MACO1: variants seen among roughly 807,000 people sequenced by gnomAD.
MACO1 encodes the protein macoilin 1.
Under a neutral mutation model 78.7 loss-of-function variants are expected in MACO1, and 14 were observed. That is an observed-to-expected ratio of 0.18 (90% CI 0.12 to 0.28). The LOEUF is 0.28. MACO1 is among the 10% of genes least tolerant of loss of function. MACO1 has a pLI of 1.00. For synonymous variants in MACO1, 288 were observed against 291.6 expected (o/e 0.99, Z 0.12); for missense variants, 501 against 799.0 (o/e 0.63, Z 4.50).
rs571183718 is a variant in MACO1 at position 25,488,108 on chromosome 1, A to G, written c.1497-1065A>G. ...ATTCTGTCACCCAGACTGGAGTGCAATGGTGCAGTCATAGCTTACTATAAC... is the reference window on the plus strand; with the variant it reads ...ATTCTGTCACCCAGACTGGAGTGCAGTGGTGCAGTCATAGCTTACTATAAC... On this transcript the variant is annotated intron_variant, in intron 8 of 10. Transcript: ENST00000374343. Among the ~76,000 whole-genome samples the G allele has an allele frequency of 6.4e-4, 97 of 152,292 alleles. 1 individual carries two copies. The highest frequency in any genetic ancestry group is 7.1e-4 in the Non-Finnish European group (48 of 68,016).
At position 25,489,134 on chromosome 1, in the gene MACO1, T is replaced by G. The variant is rs183387591; in HGVS notation, c.1497-39T>G. ...CAGGGCCCAGCCCCAACCTATAGTCTTTTAAATCACTTTATTTCCTTCTCT... is the reference window on the plus strand; with the variant it reads ...CAGGGCCCAGCCCCAACCTATAGTCGTTTAAATCACTTTATTTCCTTCTCT... On this transcript the variant is annotated intron_variant, in intron 8 of 10. Coordinates refer to ENST00000374343, the MANE Select transcript of MACO1 (RefSeq NM_018202.6). 1.3e-3 allele frequency: 2,119 copies of G among 1,600,526 alleles called. 26 individuals are homozygous for G. In the East Asian group the frequency reaches 0.017, roughly 13 times the overall value.
rs2042952847 is a variant in MACO1 at position 25,439,737 on chromosome 1, G to A, written c.81-7025G>A. ...TCTTTACACTCTTAAAAATGATTGA[G>A]GCTGGACACTGTGGCTCACACCTGT... On this transcript the variant is annotated intron_variant, in intron 1 of 10. Transcript: ENST00000374343. Among the ~76,000 whole-genome samples, 3 of 151,098 alleles carry A rather than the reference G, an allele frequency of 2.0e-5. No homozygotes were observed. In the South Asian group the frequency reaches 6.3e-4, roughly 32 times the overall value.
intron 6 of MACO1, among the ~76,000 whole-genome samples, chr1:25,466,325 AT>A (rs572516196): frequency 6.6e-6 from 1 of 151,460 alleles, no homozygotes; most frequent in Non-Finnish European, 1.5e-5. Flanking sequence ...TTATTTATTT[AT>A]TTTTGAGACG....
intron 6 of MACO1, among the ~76,000 whole-genome samples, chr1:25,465,299 T>A (rs2043208738): frequency 6.6e-6 from 1 of 152,228 alleles, no homozygotes; most frequent in Admixed American, 6.5e-5. Context: ...ACATAAGTTT[T>A]CAGCTTCTTT....
chr1:25,472,547 A>G, intron 6 of MACO1, among the ~76,000 whole-genome samples: 1 of 152,158 alleles, frequency 6.6e-6, no homozygotes, highest in Non-Finnish European at 1.5e-5. Context: ...CTTCTCTCCA[A>G]GGAGATCCTC....
At chr1:25,466,081 A>T (rs779544048) in intron 6 of MACO1, among the ~76,000 whole-genome samples, 8 of 152,240 alleles carry the variant, frequency 5.3e-5, no homozygotes, top group Admixed American at 1.3e-4. Context: ...ATACAAGTGC[A>T]GGTATATTTT....
chr1:25,493,317 C>T (rs2043503535), intron 10 of MACO1, among the ~76,000 whole-genome samples: 1 of 152,154 alleles, frequency 6.6e-6, no homozygotes, highest in South Asian at 2.1e-4. Context: ...CAACTCACTG[C>T]AGCCTCGACC....
intron 10 of MACO1, among the ~76,000 whole-genome samples, chr1:25,495,908 G>A (rs946524764): frequency 1.3e-5 from 2 of 152,140 alleles, no homozygotes; most frequent in South Asian, 2.1e-4. Flanking sequence ...GTTGCAGTGA[G>A]TAGCAATCAC....
intron 1 of MACO1, among the ~76,000 whole-genome samples, chr1:25,438,951 C>T (rs1424902231): frequency 1.3e-5 from 2 of 151,564 alleles, no homozygotes; most frequent in East Asian, 3.9e-4. Context: ...ACATGTCAAA[C>T]AGAAACCTGT....
chr1:25,498,011 C>T (rs546413311), intron 10 of MACO1, among the ~76,000 whole-genome samples: 140 of 152,272 alleles, frequency 9.2e-4, no homozygotes, highest in African/African-American at 3.3e-3. Context: ...TACTGCCTGC[C>T]GATGAAGAAT....
chr1:25,431,297 TA>T, intron 1 of MACO1, 119 bp downstream of exon 1: 2 of 557,914 alleles, frequency 3.6e-6, no homozygotes, highest in Non-Finnish European at 5.4e-6. Context: ...GGGGCTCTCC[TA>T]AGGAGCGCTG....
chr1:25,437,241 C>T (rs1477711190), intron 1 of MACO1, among the ~76,000 whole-genome samples: 1 of 150,030 alleles, frequency 6.7e-6, no homozygotes, highest in Non-Finnish European at 1.5e-5. Context: ...TTCAAGAGAT[C>T]CTTACACTTC....
intron 3 of MACO1, among the ~76,000 whole-genome samples, chr1:25,453,169 CTAA>C (rs937180153): frequency 2.0e-5 from 3 of 151,200 alleles, no homozygotes; most frequent in Non-Finnish European, 4.4e-5. Context: ...CCACGCCCGG[CTAA>C]TGTTTGTATT....
At chr1:25,477,320 C>A (rs542920652) in intron 6 of MACO1, among the ~76,000 whole-genome samples, 2 of 152,268 alleles carry the variant, frequency 1.3e-5, no homozygotes, top group Admixed American at 1.3e-4. Context: ...CAGAAAATGT[C>A]TGGAAAACAA....
In MACO1 at chr1:25,498,523, C is replaced by T. The variant is rs2043557715; in HGVS notation, c.*57C>T. ...GTTACCGGAAGGCATTGCAAAGGAG[C>T]GTCTCTGGCAGTCAAGATAAAAAAA... On this transcript the variant is annotated 3_prime_UTR_variant, in exon 11 of 11. Transcript: ENST00000374343. 7.6e-6 allele frequency: 11 copies of T among 1,444,584 alleles called. No individual in the cohort carries two copies. The highest frequency in any genetic ancestry group is 4.0e-5 in the South Asian group (3 of 75,700). 89.5% of individuals were successfully genotyped at this position (1,444,584 alleles called of 1,614,324 possible). A position where few individuals can be genotyped will look rare whatever the true frequency, so the allele number is the denominator to read the frequency against.
chr1:25,431,060 G>C lies in MACO1; in HGVS notation c.-39G>C. The C allele has an allele frequency of 6.6e-7, 1 of 1,514,320 alleles. No homozygotes were observed. The highest frequency in any genetic ancestry group is 1.2e-5 in the South Asian group (1 of 83,352). The allele number at this position is 1,514,320 out of a possible 1,614,324, so 93.8% of individuals were successfully genotyped here. On this transcript the variant is annotated 5_prime_UTR_variant, in exon 1 of 11. Coordinates refer to ENST00000374343, the MANE Select transcript of MACO1 (RefSeq NM_018202.6). ...GGCGGCGGCAGCTGAGGTGAGAGAC[G>C]GCGGCGGCGGCGCGGGCACCCGGCC...
Position 25,430,976 on chromosome 1 carries a change from C to T in MACO1, c.-123C>T. On this transcript the variant is annotated 5_prime_UTR_variant, in exon 1 of 11. Coordinates refer to ENST00000374343, the MANE Select transcript of MACO1 (RefSeq NM_018202.6). ...TACCCCCTCCCCCCGGGTGCTGGCT[C>T]CATGTCTGTGTGACCGGCCTCAGGG... 1 of 433,432 alleles carries T rather than the reference C, an allele frequency of 2.3e-6. No homozygotes were observed. Among genetic ancestry groups the T allele is most frequent in the South Asian group, 2.3e-5 (1 of 43,330 alleles). 26.8% of individuals were successfully genotyped at this position (433,432 alleles called of 1,614,324 possible).
At chr1:25,481,850 G>A (rs1268095077) in intron 6 of MACO1, among the ~76,000 whole-genome samples, 10 of 152,220 alleles carry the variant, frequency 6.6e-5, no homozygotes, top group Non-Finnish European at 1.2e-4. Flanking sequence ...TGGAACAAAA[G>A]GTTTCTAGGC....
intron 1 of MACO1, among the ~76,000 whole-genome samples, chr1:25,443,785 G>A (rs1295806567): frequency 6.6e-6 from 1 of 152,196 alleles, no homozygotes; most frequent in African/African-American, 2.4e-5. Flanking sequence ...GGCATTTTGG[G>A]CAGAAAGCAA....
Sources: gnomAD v4.1 joint callset for allele counts (sites outside exome capture counted in the v4.1 genomes callset) on GRCh38, gnomAD v4.1.1 for gene constraint, MANE v1.5 for transcripts, NCBI Gene and HGNC (gene_info 2026-07-23, HGNC 2026-07-21) for gene names.